The following MGST1 variants were observed in gnomAD, a reference collection of about 807,000 sequenced individuals.
MGST1 encodes microsomal glutathione S-transferase 1, also known as glutathione S-transferase 12.
Under a neutral mutation model 8.9 loss-of-function variants are expected in MGST1, and 5 were observed. The observed-to-expected ratio is 0.56, with a 90% CI of 0.29 to 1.19. The LOEUF (loss-of-function observed/expected upper bound fraction) is 1.19, where lower values mean the gene tolerates loss of function less well. Ranked by LOEUF, MGST1 falls within the 50% of genes most tolerant of loss-of-function variation. The pLI is 0.08. For missense variants in MGST1, 182 were observed against 187.4 expected (o/e 0.97, Z 0.17); for synonymous variants, 54 against 67.8 (o/e 0.80, Z 1.00).
In MGST1 at chr12:16,587,437, G is replaced by C. The variant is rs1285719255; in HGVS notation, n.483-2091G>C. On this transcript the variant is annotated intron_variant and non_coding_transcript_variant, in intron 4 of 4. Transcript: ENST00000538857. This position sits in a 1 kb window ranked among gnomAD's most constrained non-coding sequence, Gnocchi z 4.3. Reference sequence around the variant, plus strand: ...GCTTTCATTAATTTTCTACAGACTAGAGAGCAAGGAATTCAAGTTCGATTT... The same window carrying C: ...GCTTTCATTAATTTTCTACAGACTACAGAGCAAGGAATTCAAGTTCGATTT... Among the ~76,000 whole-genome samples the C allele has an allele frequency of 6.6e-6, 1 of 152,060 alleles. No individual in the cohort carries two copies. The highest frequency in any genetic ancestry group is 2.1e-4 in the South Asian group (1 of 4,818).
intron 4 of MGST1, among the ~76,000 whole-genome samples, chr12:16,463,573 G>A (rs1302769002): frequency 2.0e-5 from 3 of 148,766 alleles, no homozygotes; most frequent in Non-Finnish European, 3.0e-5. Flanking sequence ...TCTGGCACAT[G>A]TACCCGTAAC....
chr12:16,426,531 T>A (rs2137088666), intron 1 of MGST1, among the ~76,000 whole-genome samples: 1 of 152,320 alleles, frequency 6.6e-6, no homozygotes, highest in African/African-American at 2.4e-5. Context: ...AATCATCCAA[T>A]AAATATTTAC....
At chr12:16,387,435 C>T (rs780672580) in intron 1 of MGST1, among the ~76,000 whole-genome samples, 1 of 152,148 alleles carries the variant, frequency 6.6e-6, no homozygotes, top group Non-Finnish European at 1.5e-5. Context: ...TGTCCTAGGC[C>T]TTCGCATTCA....
chr12:16,483,824 A>G (rs147431468), intron 4 of MGST1, among the ~76,000 whole-genome samples: 115 of 152,290 alleles, frequency 7.6e-4, no homozygotes, highest in African/African-American at 2.7e-3. Context: ...TGGGTACTAT[A>G]ATTTTCCTGC....
chr12:16,411,743 A>G (rs10772931), intron 1 of MGST1, among the ~76,000 whole-genome samples: 46,280 of 151,968 alleles, frequency 0.3, 7,104 homozygotes, highest in South Asian at 0.35. Context: ...CTCTATGATA[A>G]TGTATTTTCT....
At chr12:16,520,869 A>G (rs542921414) in intron 4 of MGST1, among the ~76,000 whole-genome samples, 1 of 152,326 alleles carries the variant, frequency 6.6e-6, no homozygotes, top group South Asian at 2.1e-4. Flanking sequence ...GGTACCCAAT[A>G]AAACTTCTTC....
At chr12:16,447,082 G>A (rs1040338882) in intron 4 of MGST1, among the ~76,000 whole-genome samples, 5 of 151,842 alleles carry the variant, frequency 3.3e-5, no homozygotes, top group East Asian at 2.0e-4. Context: ...AGCATGGACC[G>A]TCACTTTCTC....
intron 1 of MGST1, chr12:16,402,237 G>A: frequency 6.3e-7 from 1 of 1,587,518 alleles, no homozygotes; most frequent in Non-Finnish European, 8.6e-7. Context: ...GGTAGTATCA[G>A]TTAGTTCATA....
At chr12:16,437,373 T>G (rs1940995528) in intron 1 of MGST1, 1 of 151,916 alleles carries the variant, frequency 6.6e-6, no homozygotes, top group Non-Finnish European at 1.5e-5. Flanking sequence ...GCTTTGGCCC[T>G]TCTCGATTTT....
At chr12:16,460,912 G>A (rs4140759) in intron 4 of MGST1, among the ~76,000 whole-genome samples, 141,540 of 152,052 alleles carry the variant, frequency 0.93, 66,510 homozygotes, top group Non-Finnish European at 1. Context: ...AAAGCAAGAA[G>A]CTTTCTGGGT....
chr12:16,447,100 C>T (rs892890712), intron 4 of MGST1, among the ~76,000 whole-genome samples: 2 of 151,902 alleles, frequency 1.3e-5, no homozygotes, highest in African/African-American at 2.4e-5. Flanking sequence ...CTCCAGACTT[C>T]TAAGAGATGC....
intron 3 of MGST1, among the ~76,000 whole-genome samples, chr12:16,372,022 C>T (rs1427296896): frequency 6.6e-6 from 1 of 150,746 alleles, no homozygotes; most frequent in East Asian, 2.0e-4. Flanking sequence ...TTGCCATATA[C>T]AAAAATCAAA....
chr12:16,436,949 G>C, intron 1 of MGST1, among the ~76,000 whole-genome samples: 1 of 151,938 alleles, frequency 6.6e-6, no homozygotes, highest in Admixed American at 6.6e-5. Context: ...ACTGTAACTG[G>C]AGAAAATTGT....
chr12:16,397,769 C>T (rs952725350), intron 1 of MGST1, among the ~76,000 whole-genome samples: 3 of 134,548 alleles, frequency 2.2e-5, no homozygotes, highest in Admixed American at 7.8e-5. Context: ...ACTTCTTAAT[C>T]AATAGTATCT....
downstream of MGST1, among the ~76,000 whole-genome samples, chr12:16,367,650 C>CAGCATGTTTGGTG (rs1164949279): frequency 6.6e-6 from 1 of 152,138 alleles, no homozygotes; most frequent in East Asian, 1.9e-4. Context: ...TTAAACCAAA[C>CAGCATGTTTGGTG]AGAGTTAGAG....
At chr12:16,442,791 A>G (rs1388976148), downstream of MGST1, among the ~76,000 whole-genome samples, 1 of 151,310 alleles carries the variant, frequency 6.6e-6, no homozygotes, top group Non-Finnish European at 1.5e-5. This position sits in a 1 kb window ranked among gnomAD's most constrained non-coding sequence, Gnocchi z 4.5. Context: ...TGCCTTATTG[A>G]CTTTTTTTTT....
intron 1 of MGST1, among the ~76,000 whole-genome samples, chr12:16,407,710 T>C (rs1319886808): frequency 6.6e-6 from 1 of 151,974 alleles, no homozygotes; most frequent in African/African-American, 2.4e-5. Context: ...ATGGTACACA[T>C]ACACCATGGA....
chr12:16,516,896 A>C (rs1283661191), intron 4 of MGST1, among the ~76,000 whole-genome samples: 3 of 152,158 alleles, frequency 2.0e-5, no homozygotes, highest in Non-Finnish European at 4.4e-5. Flanking sequence ...CAATCTATCA[A>C]ATACTTTCAG....
In MGST1 at chr12:16,363,486, G is replaced by A. The variant is rs1402050759; in HGVS notation, c.222-309G>A. ...TTGTTATGAACCTCATAAGAAAAAA[G>A]TATTTTTATTTACAAAAATGAAATG... On this transcript the variant is annotated intron_variant, in intron 3 of 3. Transcript: ENST00000396210. The surrounding 1 kb of genome is among the most constrained non-coding windows in gnomAD (Gnocchi z 4.6). 6.0e-6 allele frequency: 1 copy of A among 166,854 alleles called. No individual in the cohort carries two copies. The highest frequency in any genetic ancestry group is 1.3e-5 in the Non-Finnish European group (1 of 78,354). The allele number at this position is 166,854 out of a possible 1,614,324, so 10.3% of individuals were successfully genotyped here. A position where few individuals can be genotyped will look rare whatever the true frequency, so the allele number is the denominator to read the frequency against.
Sources: allele counts gnomAD v4.1 joint callset (sites outside exome capture counted in the v4.1 genomes callset), GRCh38; gene constraint gnomAD v4.1.1; non-coding constraint Gnocchi (gnomAD v3.1); transcripts MANE v1.5; gene names NCBI Gene and HGNC (gene_info 2026-07-23, HGNC 2026-07-21).